CNBD1: variants seen among roughly 807,000 people sequenced by gnomAD.
CNBD1 encodes cyclic nucleotide binding domain containing 1.
In CNBD1, 71 loss-of-function variants were observed where a neutral mutation model predicts 54.4. The observed-to-expected ratio is 1.30, with a 90% CI of 1.08 to 1.59. The LOEUF is 1.59. CNBD1 is among the 40% of genes most tolerant of loss of function. CNBD1 has a pLI of 0.00. For synonymous variants in CNBD1, 182 were observed against 170.7 expected (o/e 1.07, Z -0.51); for missense variants, 659 against 518.0 (o/e 1.27, Z -2.64).
At chr8:87,313,723 G>A (rs892734196) in intron 8 of CNBD1, among the ~76,000 whole-genome samples, 1 of 151,460 alleles carries the variant, frequency 6.6e-6, no homozygotes, top group Non-Finnish European at 1.5e-5. Context: ...AAAGAAATAT[G>A]CAGCCTTTTA....
chr8:87,128,956 A>G (rs1322067250), intron 4 of CNBD1, among the ~76,000 whole-genome samples: 1 of 148,838 alleles, frequency 6.7e-6, no homozygotes, highest in Non-Finnish European at 1.5e-5. Context: ...GATTGGTGGC[A>G]TGCACCTGTA....
rs1024986337 is a variant in CNBD1 at position 87,327,648 on chromosome 8, G to A, written c.1043-24037G>A. On this transcript the variant is annotated intron_variant, in intron 8 of 10. Coordinates refer to ENST00000518476, the MANE Select transcript of CNBD1 (RefSeq NM_173538.3). ...CGCTTCCCAGGTGAGGCAGTGCCTC[G>A]CCCTGCTTCGGCTCGTGCCCGGTGC... Among the ~76,000 whole-genome samples the A allele has an allele frequency of 6.7e-4, 102 of 152,164 alleles. 1 individual carries two copies. Among genetic ancestry groups the A allele is most frequent in the African/African-American group, 3.1e-4 (13 of 41,446 alleles).
At chr8:87,385,967 G>T (rs112496599), downstream of CNBD1, among the ~76,000 whole-genome samples, 2,277 of 152,176 alleles carry the variant, frequency 0.015, 57 homozygotes, top group African/African-American at 0.049. Context: ...ACCAATATCC[G>T]CTGTTCTGCA....
rs1586307478 is a variant in CNBD1 at position 87,174,575 on chromosome 8, C to T, written c.432-31418C>T. On this transcript the variant is annotated intron_variant, in intron 4 of 10. Coordinates refer to ENST00000518476, the MANE Select transcript of CNBD1 (RefSeq NM_173538.3). The stretch of plus-strand genomic sequence containing the variant: ...TATCTCTGTATTTCTGAGATTGGTC[C>T]CTGGTGCCTTTTTTAGTTCTGTCAG... Among the ~76,000 whole-genome samples, 3 of 152,068 alleles carry T rather than the reference C, an allele frequency of 2.0e-5. No homozygotes were observed. The South Asian group carries it at 6.2e-4, about 32-fold the overall frequency.
intron 2 of CNBD1, among the ~76,000 whole-genome samples, chr8:87,424,941 A>G (rs1354574912): frequency 1.9e-4 from 29 of 152,054 alleles, no homozygotes; most frequent in Admixed American, 1.9e-3. Flanking sequence ...CATTCTCCCC[A>G]TGACTTTCAG....
chr8:87,110,394 C>T (rs1811638099), intron 4 of CNBD1, among the ~76,000 whole-genome samples: 1 of 152,094 alleles, frequency 6.6e-6, no homozygotes, highest in Non-Finnish European at 1.5e-5. Context: ...CTGGACCCCA[C>T]CCAAAAATGA....
intron 3 of CNBD1, among the ~76,000 whole-genome samples, chr8:86,910,562 T>C (rs1385101304): frequency 6.6e-6 from 1 of 152,194 alleles, no homozygotes; most frequent in East Asian, 1.9e-4. Flanking sequence ...GTAAGATAAA[T>C]TAATACATAT....
intron 5 of CNBD1, among the ~76,000 whole-genome samples, chr8:87,207,790 A>G (rs1419025374): frequency 6.7e-6 from 1 of 150,168 alleles, no homozygotes; most frequent in Non-Finnish European, 1.5e-5. Flanking sequence ...TCAATCTTTC[A>G]CAAGTGTCAG....
intron 6 of CNBD1, among the ~76,000 whole-genome samples, chr8:87,241,121 T>C (rs1037015318): frequency 2.0e-5 from 3 of 152,130 alleles, no homozygotes; most frequent in Admixed American, 2.0e-4. Context: ...TTTCAATCTT[T>C]GCTGCCAACT....
chr8:87,412,241 A>T (rs1229812862), intron 2 of CNBD1, among the ~76,000 whole-genome samples: 1 of 152,094 alleles, frequency 6.6e-6, no homozygotes, highest in Non-Finnish European at 1.5e-5. Context: ...CTAACATCCA[A>T]ATCCTTGATA....
At chr8:87,243,313 G>T (rs549917494) in intron 6 of CNBD1, among the ~76,000 whole-genome samples, 1 of 152,320 alleles carries the variant, frequency 6.6e-6, no homozygotes, top group East Asian at 1.9e-4. Context: ...CAACCAATTT[G>T]TTTCAAACAA....
chr8:87,148,160 A>G (rs1374704466), intron 4 of CNBD1, among the ~76,000 whole-genome samples: 1 of 152,180 alleles, frequency 6.6e-6, no homozygotes, highest in Non-Finnish European at 1.5e-5. Flanking sequence ...TGCTTTTACA[A>G]ATTAAATTCA....
intron 4 of CNBD1, among the ~76,000 whole-genome samples, chr8:87,099,907 C>A (rs533471091): frequency 6.6e-5 from 10 of 152,242 alleles, no homozygotes; most frequent in Admixed American, 2.6e-4. Flanking sequence ...AAGGATCATT[C>A]TGTGTCCGTA....
In CNBD1 at chr8:87,361,546, A is replaced by C. The variant is rs563464204; in HGVS notation, c.1303+7760A>C. Among the ~76,000 whole-genome samples the C allele has an allele frequency of 7.9e-5, 12 of 151,944 alleles. No individual in the cohort carries two copies. In the East Asian group the frequency reaches 2.3e-3, roughly 30 times the overall value. On this transcript the variant is annotated intron_variant, in intron 10 of 10. Coordinates refer to ENST00000518476, the MANE Select transcript of CNBD1 (RefSeq NM_173538.3). ...TTACAAATATTGATATCTAATGTTT[A>C]TATAGTTTTAGGAAGGGAAAATCCT... is the stretch of plus-strand genomic sequence containing the variant.
At chr8:86,875,915 T>C (rs1423920040) in intron 1 of CNBD1, among the ~76,000 whole-genome samples, 1 of 152,340 alleles carries the variant, frequency 6.6e-6, no homozygotes, top group Middle Eastern at 3.4e-3. Context: ...AATCTTACTT[T>C]GTTGTATGAT....
intron 4 of CNBD1, among the ~76,000 whole-genome samples, chr8:87,105,390 G>A (rs1294037896): frequency 6.6e-6 from 1 of 152,132 alleles, no homozygotes; most frequent in Non-Finnish European, 1.5e-5. Context: ...TAGAAGACAT[G>A]GAAATGTGTT....
intron 6 of CNBD1, among the ~76,000 whole-genome samples, chr8:87,245,474 T>TCCC (rs113172091): frequency 0.93 from 140,876 of 151,752 alleles, 65,760 homozygotes; most frequent in African/African-American, 0.98. Context: ...CTTTACATCT[T>TCCC]CCCATTTTTT....
rs566421281 is a variant in CNBD1, at chr8:87,337,820, C to T, written c.1043-13865C>T. Among the ~76,000 whole-genome samples the T allele has an allele frequency of 1.8e-4, 28 of 152,270 alleles. No homozygotes were observed. The South Asian group carries it at 3.1e-3, about 17-fold the overall frequency. On this transcript the variant is annotated intron_variant, in intron 8 of 10. Coordinates refer to ENST00000518476, the MANE Select transcript of CNBD1 (RefSeq NM_173538.3). ...CACCTAGTCAGTTCTAATGACAGAACCTGAATACCTCGGTTGCTGGGTGCA... is the reference window on the plus strand; with the variant it reads ...CACCTAGTCAGTTCTAATGACAGAATCTGAATACCTCGGTTGCTGGGTGCA...
At chr8:87,364,588 C>A (rs575605405) in intron 10 of CNBD1, among the ~76,000 whole-genome samples, 1 of 151,412 alleles carries the variant, frequency 6.6e-6, no homozygotes, top group African/African-American at 2.4e-5. Context: ...TTTTTGTCAC[C>A]TAGGTATCAA....
Sources: allele counts gnomAD v4.1 joint callset (sites outside exome capture counted in the v4.1 genomes callset), GRCh38; gene constraint gnomAD v4.1.1; transcripts MANE v1.5; gene names NCBI Gene and HGNC (gene_info 2026-07-23, HGNC 2026-07-21).